The following ARHGAP15 variants were observed in gnomAD, a reference collection of about 807,000 sequenced individuals.
ARHGAP15 encodes the protein Rho GTPase activating protein 15.
A neutral mutation model predicts 63.7 loss-of-function variants in ARHGAP15; 51 were observed. That is an observed-to-expected ratio of 0.80 (90% confidence interval 0.64 to 1.01). The LOEUF (loss-of-function observed/expected upper bound fraction) is 1.01. Among genes scored for constraint, ARHGAP15 ranks in the 50% least tolerant of loss-of-function variants. The pLI is 0.00. For missense variants in ARHGAP15, 560 were observed against 564.6 expected (o/e 0.99, Z 0.08); for synonymous variants, 191 against 193.8 (o/e 0.99, Z 0.12).
In ARHGAP15 at chr2:143,766,368, A is replaced by G. The variant is rs111890251; in HGVS notation, c.1245-1621A>G. Among the ~76,000 whole-genome samples the G allele has an allele frequency of 1.1e-4, 16 of 152,234 alleles. 1 individual carries two copies. The highest frequency in any genetic ancestry group is 3.4e-4 in the African/African-American group (14 of 41,542). ...TGTCTCCTCTGGTGCCATTATTCAG[A>G]GAGTAGCCTTCCTAGTTATCAGATC... is the stretch of plus-strand genomic sequence containing the variant. On this transcript the variant is annotated intron_variant, in intron 13 of 13. Coordinates refer to ENST00000295095, the MANE Select transcript of ARHGAP15 (RefSeq NM_018460.4).
chr2:143,346,968 A>G (rs1419305148), intron 6 of ARHGAP15, among the ~76,000 whole-genome samples: 1 of 151,766 alleles, frequency 6.6e-6, no homozygotes, highest in Non-Finnish European at 1.5e-5. Context: ...AGATTCTGGG[A>G]TATTCTATTA....
chr2:143,338,913 G>T (rs1684930181), intron 6 of ARHGAP15, among the ~76,000 whole-genome samples: 1 of 151,982 alleles, frequency 6.6e-6, no homozygotes, highest in Admixed American at 6.6e-5. Context: ...TCACTGTGTT[G>T]ATAAAAATTC....
At chr2:143,656,143 T>C (rs1441087950) in intron 12 of ARHGAP15, 1 of 152,194 alleles carries the variant, frequency 6.6e-6, no homozygotes, top group Admixed American at 6.5e-5. Context: ...CAAGATGATG[T>C]TTTTATCTGC....
At chr2:143,650,977 C>T (rs923134641) in intron 12 of ARHGAP15, among the ~76,000 whole-genome samples, 1 of 151,888 alleles carries the variant, frequency 6.6e-6, no homozygotes, top group Admixed American at 6.6e-5. Flanking sequence ...AGGACTCCTG[C>T]AGGAAACTCC....
intron 11 of ARHGAP15, among the ~76,000 whole-genome samples, chr2:143,558,907 T>C (rs1051253458): frequency 2.0e-5 from 3 of 152,154 alleles, no homozygotes; most frequent in African/African-American, 4.8e-5. Context: ...GCTCTGCTTG[T>C]TCACTAATGC....
At chr2:143,624,440 T>C (rs1698761603) in intron 12 of ARHGAP15, among the ~76,000 whole-genome samples, 173 bp downstream of exon 12, 1 of 152,168 alleles carries the variant, frequency 6.6e-6, no homozygotes, top group African/African-American at 2.4e-5. Context: ...TTTCTGGCCC[T>C]GCAGTATTAT....
chr2:143,554,901 A>G (rs1695723624), intron 10 of ARHGAP15, among the ~76,000 whole-genome samples: 1 of 152,168 alleles, frequency 6.6e-6, no homozygotes, highest in African/African-American at 2.4e-5. Context: ...TGTCTTAGAA[A>G]CTTTCACCAC....
chr2:143,600,891 C>A (rs72992528), intron 11 of ARHGAP15, among the ~76,000 whole-genome samples: 45 of 152,132 alleles, frequency 3.0e-4, no homozygotes, highest in African/African-American at 1.1e-3. Context: ...TAAGAAAATG[C>A]AATGAAAATA....
At position 143,267,043 on chromosome 2, in the gene ARHGAP15, G is replaced by A. The variant is rs560825877; in HGVS notation, c.474+16443G>A. On this transcript the variant is annotated intron_variant, in intron 6 of 13. Transcript: ENST00000295095. ...CTTACCTGAAAGTGGCATATGTCAC[G>A]TCTGTCTTCATTTCATGGGACTAAG... 4.6e-5 allele frequency among the ~76,000 whole-genome samples: 7 copies of A among 152,232 alleles called. No individual in the cohort carries two copies. The South Asian group carries it at 6.2e-4, about 14-fold the overall frequency.
At chr2:143,765,147 G>A (rs1375436513) in intron 13 of ARHGAP15, among the ~76,000 whole-genome samples, 1 of 146,794 alleles carries the variant, frequency 6.8e-6, no homozygotes, top group Non-Finnish European at 1.5e-5. Flanking sequence ...GTGTGTGTGT[G>A]GTAAAATTAA....
intron 13 of ARHGAP15, among the ~76,000 whole-genome samples, chr2:143,761,603 T>C (rs1686761894): frequency 6.6e-6 from 1 of 152,206 alleles, no homozygotes; most frequent in South Asian, 2.1e-4. Flanking sequence ...TTTGGTTGTA[T>C]ATTAAAGTTT....
At chr2:143,148,129 A>G (rs1347721669) in intron 1 of ARHGAP15, among the ~76,000 whole-genome samples, 1 of 151,836 alleles carries the variant, frequency 6.6e-6, no homozygotes, top group Admixed American at 6.6e-5. Context: ...GTGGATGTTC[A>G]CTCCCCTTTC....
At chr2:143,563,159 A>G (rs1193141217) in intron 11 of ARHGAP15, among the ~76,000 whole-genome samples, 1 of 152,160 alleles carries the variant, frequency 6.6e-6, no homozygotes, top group Non-Finnish European at 1.5e-5. Context: ...TAAATCACCA[A>G]CTCTTCATTT....
intron 6 of ARHGAP15, among the ~76,000 whole-genome samples, chr2:143,388,466 T>C (rs987878525): frequency 6.6e-6 from 1 of 152,206 alleles, no homozygotes; most frequent in Non-Finnish European, 1.5e-5. Context: ...ACACTACAGA[T>C]GGGTTTATGG....
At chr2:143,624,319 A>T in intron 12 of ARHGAP15, 52 bp downstream of exon 12, 1 of 1,547,754 alleles carries the variant, frequency 6.5e-7, no homozygotes. Flanking sequence ...ACATCCTGGA[A>T]TTATTAAGTA....
intron 9 of ARHGAP15, among the ~76,000 whole-genome samples, chr2:143,514,128 C>T (rs140645616): frequency 3.9e-5 from 6 of 152,330 alleles, no homozygotes; most frequent in Non-Finnish European, 8.8e-5. Context: ...GTTGTAGCTG[C>T]TTGTGACAGT....
intron 13 of ARHGAP15, among the ~76,000 whole-genome samples, chr2:143,714,043 T>C (rs1259933063): frequency 6.6e-6 from 1 of 152,212 alleles, no homozygotes; most frequent in African/African-American, 2.4e-5. Flanking sequence ...GAAGGGACTC[T>C]GTGTGGGGAC....
At chr2:143,248,501 A>G (rs748521644) in intron 5 of ARHGAP15, among the ~76,000 whole-genome samples, 1 of 152,210 alleles carries the variant, frequency 6.6e-6, no homozygotes, top group Non-Finnish European at 1.5e-5. Flanking sequence ...CTCTGCAGTG[A>G]CACTGCTTGG....
At chr2:143,386,512 C>G (rs1297092070) in intron 6 of ARHGAP15, among the ~76,000 whole-genome samples, 1 of 152,086 alleles carries the variant, frequency 6.6e-6, no homozygotes, top group Admixed American at 6.5e-5. Context: ...TAAATAAATA[C>G]TAGGCTCTTC....
Sources: gnomAD v4.1 joint callset for allele counts (sites outside exome capture counted in the v4.1 genomes callset) on GRCh38, gnomAD v4.1.1 for gene constraint, MANE v1.5 for transcripts, NCBI Gene and HGNC (gene_info 2026-07-23, HGNC 2026-07-21) for gene names.